The following PIK3C2A variants were observed in gnomAD, a reference collection of about 807,000 sequenced individuals.
The protein encoded by PIK3C2A is phosphatidylinositol-4-phosphate 3-kinase catalytic subunit type 2 alpha.
PIK3C2A carries 97 observed loss-of-function variants against 204.5 expected under a neutral mutation model. That is an observed-to-expected ratio of 0.47 (90% CI 0.40 to 0.56). The LOEUF (loss-of-function observed/expected upper bound fraction) is 0.56, where lower values mean the gene tolerates loss of function less well. Ranked by LOEUF, PIK3C2A falls within the 20% of genes least tolerant of loss-of-function variation. The pLI is 0.00. For synonymous variants in PIK3C2A, 653 were observed against 664.4 expected, an observed-to-expected ratio of 0.98 and a Z score of 0.26; for missense variants, 1,735 against 1,969.2, an observed-to-expected ratio of 0.88 and a Z score of 2.25.
chr11:17,192,390 A>C (rs950253326), intron 1 of PIK3C2A, among the ~76,000 whole-genome samples: 1 of 152,178 alleles, frequency 6.6e-6, no homozygotes, highest in Non-Finnish European at 1.5e-5. Context: ...AACTCTTTTA[A>C]CATATGAAAA....
intron 1 of PIK3C2A, chr11:17,193,611 G>A: frequency 2.9e-6 from 1 of 339,040 alleles, no homozygotes; most frequent in Non-Finnish European, 5.7e-6. Context: ...ACTTTGGGAG[G>A]CCAAGGCGGG....
chr11:17,143,101 A>G (rs1850119479), intron 8 of PIK3C2A, among the ~76,000 whole-genome samples: 1 of 151,714 alleles, frequency 6.6e-6, no homozygotes, highest in Non-Finnish European at 1.5e-5. Context: ...TCCATACGAA[A>G]CTCCAGATTC....
intron 8 of PIK3C2A, chr11:17,137,958 T>C (rs563857071): frequency 6.4e-4 from 322 of 500,818 alleles, no homozygotes; most frequent in African/African-American, 5.7e-3. Flanking sequence ...TTTTTATTAC[T>C]CAAAAAAGCT....
intron 22 of PIK3C2A, among the ~76,000 whole-genome samples, chr11:17,109,094 C>T (rs1253451191): frequency 1.3e-5 from 2 of 152,222 alleles, no homozygotes; most frequent in African/African-American, 4.8e-5. Flanking sequence ...CCCTTCACTA[C>T]AGGCATTTAA....
At chr11:17,101,749 G>A (rs955067910) in intron 24 of PIK3C2A, among the ~76,000 whole-genome samples, 7 of 151,610 alleles carry the variant, frequency 4.6e-5, no homozygotes, top group South Asian at 2.1e-4. Context: ...GACCACAGGG[G>A]CCCGCCACCA....
intron 2 of PIK3C2A, among the ~76,000 whole-genome samples, chr11:17,165,787 A>G (rs1850925984): frequency 8.5e-5 from 3 of 35,292 alleles, no homozygotes; most frequent in South Asian, 7.0e-4. Context: ...AAAGTGAAAA[A>G]AAAAAAAAAA....
intron 1 of PIK3C2A, among the ~76,000 whole-genome samples, chr11:17,191,463 A>G (rs931874134): frequency 5.9e-5 from 9 of 152,238 alleles, no homozygotes; most frequent in Non-Finnish European, 1.3e-4. Flanking sequence ...GGATGGCAAC[A>G]GTCCATGCAT....
At chr11:17,122,079 C>A in intron 15 of PIK3C2A, 109 bp downstream of exon 15, 9 of 617,540 alleles carry the variant, frequency 1.5e-5, no homozygotes, top group Middle Eastern at 4.5e-4. Flanking sequence ...CTTTCCACAC[C>A]AAGAAAGCTG....
chr11:17,194,355 C>G, intron 1 of PIK3C2A: 2 of 261,600 alleles, frequency 7.6e-6, no homozygotes, highest in East Asian at 7.6e-5. Flanking sequence ...GCAACCTGCC[C>G]AGGCTGCCGT....
chr11:17,181,659 T>TATATACAC (rs1851568139), intron 1 of PIK3C2A, among the ~76,000 whole-genome samples: 1 of 113,146 alleles, frequency 8.8e-6, no homozygotes, highest in African/African-American at 4.4e-5. Flanking sequence ...TATATATATA[T>TATATACAC]ACACACACAC....
chr11:17,147,472 T>C (rs1850277831), intron 6 of PIK3C2A, 45 bp downstream of exon 6: 1 of 1,083,348 alleles, frequency 9.2e-7, no homozygotes, highest in Non-Finnish European at 1.4e-6. Flanking sequence ...AGCAGAATTA[T>C]TCAGATTCAA....
Position 17,122,280 on chromosome 11 carries a change from G to T in PIK3C2A, c.2565C>A (p.Asp855Glu). The part of the protein sequence containing the change: ...FDIIYTTPQV[D>E]RSIIQQHNLE... ...AGTTATGTTGCTGTATAATGCTTCT[G>T]TCAACTTGAGGAGTTGTATAAATAA... is the stretch of plus-strand genomic sequence containing the variant. The change falls in exon 15 of 33, where the codon GAC (aspartate) becomes GAA (glutamate). Residue 855 changes from aspartate (D) to glutamate (E), a missense_variant. Coordinates refer to ENST00000691414, the MANE Select transcript of PIK3C2A (RefSeq NM_002645.4). 2 of 1,532,210 alleles carry T rather than the reference G, an allele frequency of 1.3e-6. No individual in the cohort carries two copies. 94.9% of individuals were successfully genotyped at this position (1,532,210 alleles called of 1,614,324 possible).
intron 1 of PIK3C2A, among the ~76,000 whole-genome samples, chr11:17,192,170 A>G (rs923463504): frequency 6.6e-6 from 1 of 152,056 alleles, no homozygotes; most frequent in African/African-American, 2.4e-5. Flanking sequence ...TTAATAATGC[A>G]GGTGTAATAG....
At chr11:17,194,077 G>A (rs1852053370) in intron 1 of PIK3C2A, 1 of 425,468 alleles carries the variant, frequency 2.4e-6, no homozygotes. Context: ...CCCTTGTAAA[G>A]GAGGTTAAGC....
At chr11:17,184,391 C>A (rs1373315060) in intron 1 of PIK3C2A, among the ~76,000 whole-genome samples, 5 of 151,952 alleles carry the variant, frequency 3.3e-5, no homozygotes, top group African/African-American at 1.2e-4. Context: ...ATTGATTATC[C>A]TGACCTTGTG....
chr11:17,128,151 T>C lies in PIK3C2A; in HGVS notation c.2399+1149A>G, dbSNP rs146377160. ...GCACATAGTAAGTGCTACATAAGTG[T>C]TTGTTATTATAGTAAATATATTGCC... On this transcript the variant is annotated intron_variant, in intron 13 of 32. Transcript: ENST00000691414. 2.2e-3 allele frequency among the ~76,000 whole-genome samples: 339 copies of C among 152,298 alleles called. 2 individuals carry two copies. The highest frequency in any genetic ancestry group is 2.0e-3 in the Non-Finnish European group (133 of 68,022).
At position 17,169,031 on chromosome 11, in the gene PIK3C2A, T is replaced by A. The variant is rs766000905; in HGVS notation, c.711A>T (p.Leu237Phe). ...FDKIASTSEF[L>F]KNGKARTDLE... is the part of the protein sequence containing the mutation. ...AATCAGTCCTTGCTTTCCCATTTTTTAAAAATTCTGATGTACTAGCTATTT... is the reference window on the plus strand; with the variant it reads ...AATCAGTCCTTGCTTTCCCATTTTTAAAAAATTCTGATGTACTAGCTATTT... Residue 237 changes from leucine (L) to phenylalanine (F), a missense_variant, in exon 2 of 33, where the codon TTA becomes TTT. Transcript: ENST00000691414. 3.1e-6 allele frequency: 5 copies of A among 1,613,892 alleles called. No homozygotes were observed. The highest frequency in any genetic ancestry group is 4.2e-6 in the Non-Finnish European group (5 of 1,179,936).
rs779719401 is a variant in PIK3C2A, at chr11:17,169,657, C to G, written c.85G>C (p.Glu29Gln). ...TCTGCTTCCATCTGTAATGCTTCTT[C>G]TTTGTCCACATCTTTTGCTCTTGTT... is the stretch of plus-strand genomic sequence containing the variant. The part of the protein sequence containing the change: ...EPTRAKDVDK[E>Q]EALQMEAEAL... The change falls in exon 2 of 33, where the codon GAA becomes CAA. Residue 29 changes from glutamate to glutamine, a missense_variant. Physicochemically the swap from Glu to Gln is conservative, Grantham distance 29. Coordinates refer to ENST00000691414, the MANE Select transcript of PIK3C2A (RefSeq NM_002645.4). 1.2e-6 allele frequency: 2 copies of G among 1,613,198 alleles called. No homozygotes were observed. Among genetic ancestry groups the G allele is most frequent in the Non-Finnish European group, 1.7e-6 (2 of 1,180,006 alleles).
At chr11:17,153,614 T>C (rs1022050127) in intron 3 of PIK3C2A, among the ~76,000 whole-genome samples, 1 of 152,122 alleles carries the variant, frequency 6.6e-6, no homozygotes, top group Non-Finnish European at 1.5e-5. Context: ...AAATCACTAG[T>C]CCAACTCTTT....
Sources: allele counts gnomAD v4.1 joint callset (sites outside exome capture counted in the v4.1 genomes callset), GRCh38; gene constraint gnomAD v4.1.1; transcripts MANE v1.5; gene names NCBI Gene and HGNC (gene_info 2026-07-23, HGNC 2026-07-21).